WNT2: variants seen among roughly 807,000 people sequenced by gnomAD.
WNT2 encodes Wnt family member 2.
Under a neutral mutation model 36.9 loss-of-function variants are expected in WNT2, and 12 were observed. That is an observed-to-expected ratio of 0.33 (90% CI 0.21 to 0.53). The LOEUF is 0.53. Among genes scored for constraint, WNT2 ranks in the 20% least tolerant of loss-of-function variants. The pLI, the probability that WNT2 is intolerant of heterozygous loss-of-function variation, is 0.95. For missense variants in WNT2, 379 were observed against 473.1 expected, an observed-to-expected ratio of 0.80 and a Z score of 1.84; for synonymous variants, 163 against 174.6, an observed-to-expected ratio of 0.93 and a Z score of 0.52.
intron 4 of WNT2, 67 bp from the exon 5 acceptor site, chr7:117,278,451 G>A: frequency 6.8e-7 from 1 of 1,460,126 alleles, no homozygotes; most frequent in Non-Finnish European, 9.3e-7. Flanking sequence ...TCCAGAGGAG[G>A]AGTCACGAGG....
chr7:117,306,387 T>A (rs956833526), intron 3 of WNT2, among the ~76,000 whole-genome samples: 1 of 152,240 alleles, frequency 6.6e-6, no homozygotes, highest in Non-Finnish European at 1.5e-5. Context: ...TTTGATACTA[T>A]GTGCAAGCAC....
rs1266110244 is a variant in WNT2 at position 117,276,513 on chromosome 7, T to G, written c.*1642A>C. ...GGAAAGGGGATGAATTCTGACATTTTTAAGAGGGCTGGAGGCAAATGTTAA... is the reference window on the plus strand; with the variant it reads ...GGAAAGGGGATGAATTCTGACATTTGTAAGAGGGCTGGAGGCAAATGTTAA... On this transcript the variant is annotated 3_prime_UTR_variant, in exon 5 of 5. Transcript: ENST00000265441. 6.6e-6 allele frequency: 1 copy of G among 152,216 alleles called. No individual in the cohort carries two copies. The highest frequency in any genetic ancestry group is 2.4e-5 in the African/African-American group (1 of 41,462). The allele number at this position is 152,216 out of a possible 1,614,324, so 9.4% of individuals were successfully genotyped here. A position where few individuals can be genotyped will look rare whatever the true frequency, so the allele number is the denominator to read the frequency against.
At chr7:117,291,857 A>AATGGTG (rs1794695527) in intron 4 of WNT2, among the ~76,000 whole-genome samples, 5 of 150,062 alleles carry the variant, frequency 3.3e-5, no homozygotes, top group African/African-American at 1.2e-4. Flanking sequence ...GGCTCACCAC[A>AATGGTG]ACCTCCACCT....
At chr7:117,295,984 G>A (rs529685055) in intron 4 of WNT2, among the ~76,000 whole-genome samples, 1 of 152,264 alleles carries the variant, frequency 6.6e-6, no homozygotes, top group African/African-American at 2.4e-5. Flanking sequence ...CCTACTGTAA[G>A]GATAAAATAA....
chr7:117,296,541 CT>C (rs1385726083), intron 4 of WNT2, among the ~76,000 whole-genome samples: 1 of 151,944 alleles, frequency 6.6e-6, no homozygotes, highest in East Asian at 1.9e-4. Context: ...TAATGAATTC[CT>C]TTGCTTTCTA....
In WNT2 at chr7:117,299,490, CTTTCT is replaced by C. The variant is rs1337962604; in HGVS notation, c.589-1619_589-1615del. On this transcript the variant is annotated intron_variant, in intron 3 of 4. Coordinates refer to ENST00000265441, the MANE Select transcript of WNT2 (RefSeq NM_003391.3). ...TTACTGCTCCTCCTCTTCTTTCTTT[CTTTCT>C]TTTTTTTTTTTTTTTGAGACAGAAT... 3.4e-3 allele frequency among the ~76,000 whole-genome samples: 501 copies of C among 146,350 alleles called. 2 individuals carry two copies. Among genetic ancestry groups the C allele is most frequent in the Middle Eastern group, 6.9e-3 (2 of 290 alleles).
chr7:117,295,886 T>C (rs1178003941), intron 4 of WNT2, among the ~76,000 whole-genome samples: 1 of 152,216 alleles, frequency 6.6e-6, no homozygotes, highest in Non-Finnish European at 1.5e-5. Flanking sequence ...TTGGTTGGTG[T>C]TGATCATCTA....
At chr7:117,281,332 G>C (rs1334595992) in intron 4 of WNT2, among the ~76,000 whole-genome samples, 1 of 152,054 alleles carries the variant, frequency 6.6e-6, no homozygotes, top group Non-Finnish European at 1.5e-5. Flanking sequence ...CGACCTCCTG[G>C]GCTCAAGGAA....
intron 3 of WNT2, among the ~76,000 whole-genome samples, chr7:117,313,947 T>G (rs1379883560): frequency 6.6e-6 from 1 of 152,236 alleles, no homozygotes; most frequent in Non-Finnish European, 1.5e-5. Flanking sequence ...TCTTTCCTTC[T>G]AACTTCCTTT....
intron 4 of WNT2, among the ~76,000 whole-genome samples, chr7:117,291,507 T>C (rs1223881821): frequency 6.6e-6 from 1 of 152,172 alleles, no homozygotes; most frequent in Non-Finnish European, 1.5e-5. Flanking sequence ...CCTGGAGCAG[T>C]AACCAGAGTA....
At chr7:117,295,515 C>A (rs1794773809) in intron 4 of WNT2, among the ~76,000 whole-genome samples, 1 of 152,192 alleles carries the variant, frequency 6.6e-6, no homozygotes, top group South Asian at 2.1e-4. Flanking sequence ...GTCTATATTT[C>A]ATTGACAATA....
intron 3 of WNT2, 40 bp from the exon 4 acceptor site, chr7:117,297,916 C>A: frequency 6.4e-7 from 1 of 1,572,396 alleles, no homozygotes. Context: ...GAGGTTCGAG[C>A]AGGTGACACA....
intron 2 of WNT2, among the ~76,000 whole-genome samples, chr7:117,318,510 G>C (rs1795261938): frequency 6.6e-6 from 1 of 152,206 alleles, no homozygotes; most frequent in Non-Finnish European, 1.5e-5. Context: ...GGAAGTACAA[G>C]TTAGAATCTC....
chr7:117,298,121 A>G lies in WNT2; in HGVS notation c.589-245T>C, dbSNP rs1037763626. On this transcript the variant is annotated intron_variant, in intron 3 of 4. Transcript: ENST00000265441. ...CACCTAACTGTGTACCCCACTGGCT[A>G]TCAGTATAACAGAAACCTCACAATT... Among the ~76,000 whole-genome samples, 16 of 152,308 alleles carry G rather than the reference A, an allele frequency of 1.1e-4. No individual in the cohort carries two copies. The South Asian group carries it at 3.1e-3, about 30-fold the overall frequency.
chr7:117,278,046 C>T lies in WNT2; in HGVS notation c.*109G>A. On this transcript the variant is annotated 3_prime_UTR_variant, in exon 5 of 5. Transcript: ENST00000265441. ...GAGGGGGCTTCCGTTGAGATAAAGG[C>T]CACATGCCTTAGGAAATATCCCCCC... The T allele has an allele frequency of 1.5e-6, 2 of 1,306,396 alleles. No individual in the cohort carries two copies. Among genetic ancestry groups the T allele is most frequent in the South Asian group, 1.4e-5 (1 of 72,542 alleles). 80.9% of individuals were successfully genotyped at this position (1,306,396 alleles called of 1,614,324 possible).
At chr7:117,306,160 T>C (rs755486625) in intron 3 of WNT2, among the ~76,000 whole-genome samples, 2 of 152,222 alleles carry the variant, frequency 1.3e-5, no homozygotes, top group African/African-American at 2.4e-5. Context: ...ATTTAGCTCT[T>C]TCATTTCTTT....
chr7:117,313,830 T>C (rs1201171746), intron 3 of WNT2, among the ~76,000 whole-genome samples: 2 of 152,226 alleles, frequency 1.3e-5, no homozygotes, highest in Admixed American at 6.5e-5. Flanking sequence ...GACTGTAAGT[T>C]CATAAATTCA....
intron 3 of WNT2, among the ~76,000 whole-genome samples, chr7:117,314,043 G>C (rs1322178588): frequency 1.3e-5 from 2 of 151,938 alleles, no homozygotes; most frequent in African/African-American, 4.8e-5. Context: ...GCCCCCCCAG[G>C]GACCTTTCAA....
intron 3 of WNT2, among the ~76,000 whole-genome samples, chr7:117,300,389 G>C (rs1465046167): frequency 2.0e-5 from 3 of 152,154 alleles, no homozygotes; most frequent in Non-Finnish European, 4.4e-5. Context: ...GTTTCACCAT[G>C]TTGGCCAGGA....
Sources: allele counts gnomAD v4.1 joint callset (sites outside exome capture counted in the v4.1 genomes callset), GRCh38; gene constraint gnomAD v4.1.1; transcripts MANE v1.5; gene names NCBI Gene and HGNC (gene_info 2026-07-23, HGNC 2026-07-21).